MYO9A: variants seen among roughly 807,000 people sequenced by gnomAD.
MYO9A encodes the protein unconventional myosin-IXa.
Under a neutral mutation model 293.3 loss-of-function variants are expected in MYO9A, and 103 were observed. The ratio of observed to expected loss-of-function variants is 0.35; its 90% confidence interval spans 0.30 to 0.41. MYO9A has a LOEUF of 0.41. MYO9A is among the 10% of genes least tolerant of loss of function. The pLI is 1.00. For missense variants in MYO9A, 2,685 were observed against 3,033.0 expected (o/e 0.89, Z 2.69); for synonymous variants, 1,001 against 1,035.7 (o/e 0.97, Z 0.64).
chr15:71,839,852 CTTT>C (rs1237343202), intron 39 of MYO9A, among the ~76,000 whole-genome samples: 2 of 152,108 alleles, frequency 1.3e-5, no homozygotes, highest in African/African-American at 4.8e-5. Flanking sequence ...TATTCTGCTT[CTTT>C]ATTTTCTTAT....
chr15:72,109,293 G>C (rs531124130), intron 1 of MYO9A, among the ~76,000 whole-genome samples: 65 of 151,872 alleles, frequency 4.3e-4, no homozygotes, highest in Non-Finnish European at 8.2e-4. Context: ...GGGAGGCTGA[G>C]GCAGGAGAAT....
chr15:72,022,497 G>A (rs564725596), intron 4 of MYO9A, among the ~76,000 whole-genome samples: 63 of 151,738 alleles, frequency 4.2e-4, no homozygotes, highest in Admixed American at 7.2e-4. Flanking sequence ...CTCCAGCCTG[G>A]TGACAAGGCG....
intron 2 of MYO9A, among the ~76,000 whole-genome samples, chr15:72,034,544 C>CA (rs1474846367): frequency 6.6e-5 from 10 of 152,126 alleles, no homozygotes; most frequent in Non-Finnish European, 1.3e-4. Context: ...ACTATATACA[C>CA]AAAAAAGCTT....
Position 71,898,280 on chromosome 15 carries a change from A to G in MYO9A, c.4223T>C (p.Leu1408Pro). Residue 1408 changes from leucine to proline, a missense_variant, in exon 25 of 42, where the codon CTG (leucine) becomes CCG (proline). Leu to Pro is a moderately conservative substitution (Grantham distance 98). This residue lies in a region of MYO9A where 1,434 missense variants were observed against 1,497.7 expected (regional missense o/e 0.96). Transcript: ENST00000356056. Reference sequence around the variant, plus strand: ...ACTATTTGAAATGAAGGAGTCTTTCAGCTGTGGTTTACAGGTAATAGACTC... The same window carrying G: ...ACTATTTGAAATGAAGGAGTCTTTCGGCTGTGGTTTACAGGTAATAGACTC... ...SSESITCKPQ[L>P]KDSFISNSLP... is the part of the protein sequence containing the mutation. 4.3e-6 allele frequency: 7 copies of G among 1,614,174 alleles called. No individual in the cohort carries two copies. In the South Asian group the frequency reaches 5.5e-5, roughly 13 times the overall value.
chr15:72,117,548 G>A, intron 1 of MYO9A, 132 bp downstream of exon 1: 1 of 359,726 alleles, frequency 2.8e-6, no homozygotes, highest in Non-Finnish European at 5.0e-6. Flanking sequence ...TGTTTGGGAG[G>A]CTCGGCGCAG....
chr15:72,097,782 C>T (rs947430731), intron 1 of MYO9A, among the ~76,000 whole-genome samples: 2 of 151,956 alleles, frequency 1.3e-5, no homozygotes, highest in African/African-American at 2.4e-5. Context: ...TGGTGGCGTG[C>T]GCCTGTAGTC....
intron 2 of MYO9A, among the ~76,000 whole-genome samples, chr15:72,039,282 G>A (rs1222126321): frequency 6.6e-6 from 1 of 152,066 alleles, no homozygotes; most frequent in East Asian, 1.9e-4. Flanking sequence ...TACTTTTCAA[G>A]TAATACTGTT....
chr15:71,874,690 C>T (rs1381647091), intron 32 of MYO9A, among the ~76,000 whole-genome samples: 1 of 152,108 alleles, frequency 6.6e-6, no homozygotes, highest in Non-Finnish European at 1.5e-5. Flanking sequence ...CTGTTGATAG[C>T]AGTGGAGGTG....
chr15:72,077,092 A>G (rs1045024225), intron 1 of MYO9A, among the ~76,000 whole-genome samples: 2 of 152,298 alleles, frequency 1.3e-5, no homozygotes, highest in Admixed American at 1.3e-4. Flanking sequence ...AATGGATCGC[A>G]TATCTGAGTG....
At chr15:72,099,443 G>GA (rs1031985471) in intron 1 of MYO9A, among the ~76,000 whole-genome samples, 7 of 86,178 alleles carry the variant, frequency 8.1e-5, no homozygotes, top group African/African-American at 1.9e-4. Flanking sequence ...AAAAAAAAAA[G>GA]AAAAAAAAAT....
intron 18 of MYO9A, among the ~76,000 whole-genome samples, chr15:71,918,656 T>C (rs917590414): frequency 1.3e-5 from 2 of 152,196 alleles, no homozygotes; most frequent in Non-Finnish European, 1.5e-5. Context: ...TCAATTAGAA[T>C]AATTTATAGG....
At chr15:71,966,296 G>GTGTGTGTT (rs1238128316) in intron 13 of MYO9A, among the ~76,000 whole-genome samples, 1 of 151,576 alleles carries the variant, frequency 6.6e-6, no homozygotes, top group East Asian at 1.9e-4. Flanking sequence ...GTGTGTGTGT[G>GTGTGTGTT]TGTGTGTGTG....
chr15:72,042,868 C>T (rs1001553874), intron 2 of MYO9A, among the ~76,000 whole-genome samples: 6 of 151,880 alleles, frequency 4.0e-5, no homozygotes, highest in African/African-American at 9.7e-5. Context: ...TCAGGACCAG[C>T]CCGCCTAGGC....
At chr15:72,106,991 ATTTTATAAATACT>A (rs2080592647) in intron 1 of MYO9A, among the ~76,000 whole-genome samples, 1 of 152,212 alleles carries the variant, frequency 6.6e-6, no homozygotes, top group Non-Finnish European at 1.5e-5. Context: ...TTTTGAAACT[ATTTTATAAATACT>A]TAGAAAAAAC....
intron 1 of MYO9A, among the ~76,000 whole-genome samples, chr15:72,098,295 C>T (rs1260312815): frequency 1.8e-4 from 27 of 151,766 alleles, no homozygotes; most frequent in Non-Finnish European, 1.5e-5. Context: ...TGGAAAAACC[C>T]ACATGGAAGG....
Position 72,118,049 on chromosome 15 carries a change from C to T in MYO9A, c.-441G>A, listed in dbSNP as rs935811550. ...TACTCTCTCAACAGACACAGCCAAC[C>T]GCCGCCGCGTCCCTTATCCGCTTCG... is the stretch of plus-strand genomic sequence containing the variant. On this transcript the variant is annotated 5_prime_UTR_variant, in exon 1 of 42. Coordinates refer to ENST00000356056, the MANE Select transcript of MYO9A (RefSeq NM_006901.4). The T allele has an allele frequency of 1.3e-5, 5 of 396,258 alleles. No homozygotes were observed. Among genetic ancestry groups the T allele is most frequent in the African/African-American group, 1.0e-4 (5 of 48,476 alleles). 24.5% of individuals were successfully genotyped at this position (396,258 alleles called of 1,614,324 possible).
rs28529658 is a variant in MYO9A, at chr15:71,945,349, C to G, written c.2303-6422G>C. On this transcript the variant is annotated intron_variant, in intron 15 of 41. Coordinates refer to ENST00000356056, the MANE Select transcript of MYO9A (RefSeq NM_006901.4). ...CCAAGAGACAGTGATTTCAGAGAGG[C>G]CTAGCAAGTAAAGCAGTACCCCAGA... Among the ~76,000 whole-genome samples the G allele has an allele frequency of 4.2e-3, 637 of 152,226 alleles. 6 individuals are homozygous for G. Among genetic ancestry groups the G allele is most frequent in the African/African-American group, 0.015 (610 of 41,526 alleles).
Position 72,059,255 on chromosome 15 carries a change from T to C in MYO9A, c.-71-12621A>G, listed in dbSNP as rs940132844. Among the ~76,000 whole-genome samples the C allele has an allele frequency of 6.4e-4, 97 of 152,320 alleles. 1 individual carries two copies. Among genetic ancestry groups the C allele is most frequent in the Admixed American group, 2.2e-3 (33 of 15,298 alleles). ...ACCCTGTATGAATAGTACCAAAGCA[T>C]TACTGCATGGTAGAGAACACACTCA... On this transcript the variant is annotated intron_variant, in intron 1 of 41. Coordinates refer to ENST00000356056, the MANE Select transcript of MYO9A (RefSeq NM_006901.4).
chr15:71,899,003 C>G lies in MYO9A; in HGVS notation c.3500G>C (p.Arg1167Thr). ...CAATCCAACTTCTGGCTTTGTTTCT[C>G]TTAGCCTTTGTTCTTTTAAAGCTTT... ...RFKALKEQRLRETKPEVGLVN... is the reference protein window; with the variant it reads ...RFKALKEQRLTETKPEVGLVN... The change falls in exon 25 of 42, where the codon AGA becomes ACA. Residue 1167 changes from arginine (R) to threonine (T), a missense_variant. Arg to Thr is a moderately conservative substitution (Grantham distance 71). Transcript: ENST00000356056. The G allele has an allele frequency of 6.2e-7, 1 of 1,611,038 alleles. No homozygotes were observed.
Sources: allele counts gnomAD v4.1 joint callset (sites outside exome capture counted in the v4.1 genomes callset), GRCh38; gene constraint gnomAD v4.1.1; regional missense constraint gnomAD v4.1.1; transcripts MANE v1.5; gene names NCBI Gene and HGNC (gene_info 2026-07-23, HGNC 2026-07-21).